Variants in MMS19 observed in about 807,000 individuals in gnomAD.
MMS19 encodes the protein MMS19 nucleotide excision repair protein homolog.
A neutral mutation model predicts 129.8 loss-of-function variants in MMS19; 77 were observed. The observed-to-expected ratio is 0.59, with a 90% CI of 0.49 to 0.72. The LOEUF is 0.72. Among genes scored for constraint, MMS19 ranks in the 30% least tolerant of loss-of-function variants. MMS19 has a pLI of 0.00. For synonymous variants in MMS19, 491 were observed against 502.8 expected, an observed-to-expected ratio of 0.98 and a Z score of 0.31; for missense variants, 1,168 against 1,266.3, an observed-to-expected ratio of 0.92 and a Z score of 1.18.
At chr10:97,495,968 G>C (rs996151296) in intron 1 of MMS19, among the ~76,000 whole-genome samples, 58 of 152,186 alleles carry the variant, frequency 3.8e-4, no homozygotes, top group African/African-American at 1.3e-3. Context: ...TTTCAGTAGA[G>C]CGGGGTTTCA....
Position 97,469,073 on chromosome 10 carries a change from G to T in MMS19, c.956C>A (p.Ala319Glu). The change falls in exon 12 of 31, where the codon GCA becomes GAA. Residue 319 changes from alanine to glutamate, a missense_variant. Transcript: ENST00000438925. The stretch of plus-strand genomic sequence containing the variant: ...GGAGTGGAGGGCCGCCAGGCCCTCT[G>T]CCTCCACCCGCTCACTTGCCGTCTG... Reference protein sequence around the residue: ...VFQTASERVEAEGLAALHSLT... With the variant: ...VFQTASERVEEEGLAALHSLT... The T allele has an allele frequency of 6.3e-7, 1 of 1,581,190 alleles. No homozygotes were observed.
chr10:97,464,691 A>ATTTT (rs756050923), intron 18 of MMS19, among the ~76,000 whole-genome samples: 1 of 138,752 alleles, frequency 7.2e-6, no homozygotes, highest in Non-Finnish European at 1.6e-5. Context: ...TACCTAGGTA[A>ATTTT]TTTTTTTTTT....
chr10:97,468,229 C>T lies in MMS19; in HGVS notation c.1218+23G>A, dbSNP rs200171264. On this transcript the variant is annotated intron_variant, in intron 13 of 30. Transcript: ENST00000438925. Reference sequence around the variant, plus strand: ...CCTAGCACACAGGTCCCATCATTTCCCCCAAAGATTCTGCTCCCTTACCTG... The same window carrying T: ...CCTAGCACACAGGTCCCATCATTTCTCCCAAAGATTCTGCTCCCTTACCTG... 71 of 1,523,438 alleles carry T rather than the reference C, an allele frequency of 4.7e-5. No individual in the cohort carries two copies. The East Asian group carries it at 1.6e-3, about 34-fold the overall frequency. The allele number at this position is 1,523,438 out of a possible 1,614,324, so 94.4% of individuals were successfully genotyped here. A position where few individuals can be genotyped will look rare whatever the true frequency, so the allele number is the denominator to read the frequency against.
chr10:97,460,199 G>A lies in MMS19; in HGVS notation c.2503C>T (p.Pro835Ser), dbSNP rs890983409. ...MGLLSDPELG[P>S]AAADGFSLLM... The stretch of plus-strand genomic sequence containing the variant: ...AGAGAGAAGCCATCAGCTGCTGCTG[G>A]ACCTAATTCTGGGTCACTCAGGAGG... Residue 835 changes from proline (P) to serine (S), a missense_variant, in exon 26 of 31, where the codon CCA becomes TCA. By Grantham distance (74) the Pro-to-Ser change is moderately conservative. Coordinates refer to ENST00000438925, the MANE Select transcript of MMS19 (RefSeq NM_022362.5). 3.3e-5 allele frequency: 53 copies of A among 1,613,824 alleles called. No individual in the cohort carries two copies. The highest frequency in any genetic ancestry group is 4.4e-5 in the Non-Finnish European group (52 of 1,179,796).
intron 1 of MMS19, among the ~76,000 whole-genome samples, chr10:97,497,449 T>G (rs2040002522): frequency 1.3e-5 from 2 of 152,164 alleles, no homozygotes; most frequent in Non-Finnish European, 2.9e-5. Context: ...AAAAAACTAC[T>G]CATTAGATAA....
At chr10:97,488,038 G>A (rs2038216974) in intron 1 of MMS19, among the ~76,000 whole-genome samples, 4 of 152,062 alleles carry the variant, frequency 2.6e-5, no homozygotes, top group Admixed American at 6.5e-5. Flanking sequence ...GCAGTGAGCC[G>A]AGATCGTGCC....
Position 97,459,206 on chromosome 10 carries a change from A to G in MMS19, c.2964+17T>C. 1 of 1,606,084 alleles carries G rather than the reference A, an allele frequency of 6.2e-7. No individual in the cohort carries two copies. The highest frequency in any genetic ancestry group is 8.5e-7 in the Non-Finnish European group (1 of 1,175,792). Reference sequence around the variant, plus strand: ...TGAGATGTTCCCAGGCCAGGGAAGGACACCTGAGGTACTTACCACAGGGGT... The same window carrying G: ...TGAGATGTTCCCAGGCCAGGGAAGGGCACCTGAGGTACTTACCACAGGGGT... On this transcript the variant is annotated intron_variant, in intron 29 of 30. Transcript: ENST00000438925.
chr10:97,472,054 GC>G (rs2034822978), intron 8 of MMS19, among the ~76,000 whole-genome samples: 1 of 151,148 alleles, frequency 6.6e-6, no homozygotes. Context: ...GATTGACAGG[GC>G]CTACTAAGTA....
rs2040205249 is a variant in MMS19 at position 97,498,365 on chromosome 10, A to G, written c.20T>C (p.Val7Ala). Reference sequence around the variant, plus strand: ...GGCACCCATAGGCGCCGCCGCCTCCACAGCCGCGGCAGCGGCCATAACGCG... The same window carrying G: ...GGCACCCATAGGCGCCGCCGCCTCCGCAGCCGCGGCAGCGGCCATAACGCG... MAAAAA[V>A]EAAAPMGALW... is the part of the protein sequence containing the mutation. The change falls in exon 1 of 31, where the codon GTG becomes GCG. Residue 7 changes from valine to alanine, a missense_variant. By Grantham distance (64) the Val-to-Ala change is moderately conservative. Coordinates refer to ENST00000438925, the MANE Select transcript of MMS19 (RefSeq NM_022362.5). The G allele has an allele frequency of 2.5e-6, 4 of 1,575,898 alleles. No individual in the cohort carries two copies. The highest frequency in any genetic ancestry group is 2.6e-6 in the Non-Finnish European group (3 of 1,168,728).
chr10:97,497,258 A>G lies in MMS19; in HGVS notation c.112+1015T>C, dbSNP rs3814552. Among the ~76,000 whole-genome samples the G allele has an allele frequency of 7.4e-3, 1,121 of 152,318 alleles. 27 individuals carry two copies. In the East Asian group the frequency reaches 0.074, roughly 10 times the overall value. Reference sequence around the variant, plus strand: ...CTTTGCATCATGTTTGGGGAATAATATGTATTCAACAATAGTGGCATGATT... The same window carrying G: ...CTTTGCATCATGTTTGGGGAATAATGTGTATTCAACAATAGTGGCATGATT... On this transcript the variant is annotated intron_variant, in intron 1 of 30. Transcript: ENST00000438925.
At chr10:97,462,959 A>C (rs1027491323) in intron 19 of MMS19, 1 of 356,732 alleles carries the variant, frequency 2.8e-6, no homozygotes, top group South Asian at 6.5e-5. Flanking sequence ...CATTCTTAAC[A>C]TAAGAAATAG....
At chr10:97,496,905 A>G (rs1033580640) in intron 1 of MMS19, among the ~76,000 whole-genome samples, 1 of 152,260 alleles carries the variant, frequency 6.6e-6, no homozygotes, top group African/African-American at 2.4e-5. Context: ...AGCAAGTAAT[A>G]TTAAAATGTT....
chr10:97,459,302 A>T lies in MMS19; in HGVS notation c.2905-20T>A. 1 of 1,613,172 alleles carries T rather than the reference A, an allele frequency of 6.2e-7. No homozygotes were observed. The highest frequency in any genetic ancestry group is 8.5e-7 in the Non-Finnish European group (1 of 1,179,468). On this transcript the variant is annotated intron_variant, in intron 28 of 30. Transcript: ENST00000438925. ...GACAGCCTGGAACACAACCACAAGG[A>T]GGTGAGAGCATGCCCAGGGAGAGAT... is the stretch of plus-strand genomic sequence containing the variant.
chr10:97,495,835 G>A lies in MMS19; in HGVS notation c.112+2438C>T, dbSNP rs573795280. On this transcript the variant is annotated intron_variant, in intron 1 of 30. Transcript: ENST00000438925. The stretch of plus-strand genomic sequence containing the variant: ...CTCGCTCTGTTGCCCAGGCTGGAGT[G>A]CAGGGGCGCGATCTCCGCTCACGGC... Among the ~76,000 whole-genome samples, 12 of 152,354 alleles carry A rather than the reference G, an allele frequency of 7.9e-5. No individual in the cohort carries two copies. The South Asian group carries it at 1.7e-3, about 21-fold the overall frequency.
At chr10:97,466,643 T>G in intron 15 of MMS19, 58 bp from the exon 16 acceptor site, 1 of 1,579,852 alleles carries the variant, frequency 6.3e-7, no homozygotes, top group Non-Finnish European at 8.7e-7. Flanking sequence ...ATCACAACCC[T>G]TCTAAGCTCT....
In MMS19 at chr10:97,498,399, A is replaced by C. The variant is rs1376660308; in HGVS notation, c.-15T>G. 5.1e-6 allele frequency: 8 copies of C among 1,578,390 alleles called. No homozygotes were observed. Among genetic ancestry groups the C allele is most frequent in the Admixed American group, 1.7e-5 (1 of 57,188 alleles). On this transcript the variant is annotated 5_prime_UTR_variant, in exon 1 of 31. Coordinates refer to ENST00000438925, the MANE Select transcript of MMS19 (RefSeq NM_022362.5). ...GCAGCGGCCATAACGCGAACTAGAG[A>C]CCGTGGGAGGGGATATGGGCGGTGG...
intron 1 of MMS19, among the ~76,000 whole-genome samples, chr10:97,488,014 G>T (rs28987106): frequency 2.0e-5 from 3 of 152,078 alleles, no homozygotes; most frequent in African/African-American, 7.2e-5. Flanking sequence ...ACTTGATTCC[G>T]GGAGGCAGAG....
chr10:97,477,244 TA>T (rs2035932550), intron 6 of MMS19, 102 bp downstream of exon 6: 1 of 1,588,854 alleles, frequency 6.3e-7, no homozygotes, highest in Admixed American at 1.8e-5. Flanking sequence ...TCTCTCAGGA[TA>T]CCAGCTCTTC....
At position 97,470,791 on chromosome 10, in the gene MMS19, G is replaced by A. The variant is rs754818809; in HGVS notation, c.755C>T (p.Thr252Ile). 2 of 1,613,278 alleles carry A rather than the reference G, an allele frequency of 1.2e-6. No homozygotes were observed. The highest frequency in any genetic ancestry group is 1.3e-5 in the African/African-American group (1 of 75,018). ...TAGACCCACCTCAGCAAATCGTGGT[G>A]TAGAAGCCAGCACAGCGCGAAGACT... ...ILSLRAVLASTPRFAEFLLPL... is the reference protein window; with the variant it reads ...ILSLRAVLASIPRFAEFLLPL... Residue 252 changes from threonine (T) to isoleucine (I), a missense_variant, in exon 9 of 31, where the codon ACA becomes ATA. Physicochemically the swap from Thr to Ile is moderately conservative, Grantham distance 89 (BLOSUM62 -1). Around this residue, in one of 3 missense-constraint regions of MMS19, gnomAD observed 329 missense variants for 328.6 expected, o/e 1.00. Transcript: ENST00000438925.
Sources: gnomAD v4.1 joint callset for allele counts (sites outside exome capture counted in the v4.1 genomes callset) on GRCh38, gnomAD v4.1.1 for gene constraint, gnomAD v4.1.1 regional missense constraint, MANE v1.5 for transcripts, NCBI Gene and HGNC (gene_info 2026-07-23, HGNC 2026-07-21) for gene names.